INTS8: variants seen among roughly 807,000 people sequenced by gnomAD.
The protein encoded by INTS8 is protein kaonashi-1.
In INTS8, 47 loss-of-function variants were observed where a neutral mutation model predicts 138.9. The observed-to-expected ratio is 0.34, with a 90% CI of 0.27 to 0.43. INTS8 has a LOEUF of 0.43. Among genes scored for constraint, INTS8 ranks in the 20% least tolerant of loss-of-function variants. The pLI, the probability that INTS8 is intolerant of heterozygous loss-of-function variation, is 1.00. For synonymous variants in INTS8, 392 were observed against 400.9 expected (o/e 0.98, Z 0.27); for missense variants, 996 against 1,173.0 (o/e 0.85, Z 2.20).
intron 26 of INTS8, among the ~76,000 whole-genome samples, chr8:94,878,932 C>T (rs1032559821): frequency 3.3e-5 from 5 of 152,270 alleles, no homozygotes; most frequent in African/African-American, 9.6e-5. Context: ...TCTGCCTACT[C>T]CTTAAACTTG....
chr8:94,826,642 A>C lies in INTS8; in HGVS notation c.306-621A>C, dbSNP rs189538847. 2.1e-3 allele frequency among the ~76,000 whole-genome samples: 319 copies of C among 152,238 alleles called. 3 individuals carry two copies. The highest frequency in any genetic ancestry group is 7.4e-3 in the African/African-American group (309 of 41,550). On this transcript the variant is annotated intron_variant, in intron 2 of 26. Transcript: ENST00000523731. Reference sequence around the variant, plus strand: ...TTATGTTAAGAGTTAATTTTTTGAAATATATTCTGAAATATTTATGGACGA... The same window carrying C: ...TTATGTTAAGAGTTAATTTTTTGAACTATATTCTGAAATATTTATGGACGA...
At chr8:94,827,916 G>C (rs537096239) in intron 4 of INTS8, 123 bp downstream of exon 4, 1 of 810,576 alleles carries the variant, frequency 1.2e-6, no homozygotes. Context: ...CAGAAGGCCT[G>C]TGTGAAGGTT....
intron 11 of INTS8, among the ~76,000 whole-genome samples, 185 bp downstream of exon 11, chr8:94,849,717 C>T (rs1815461228): frequency 1.3e-5 from 2 of 151,806 alleles, no homozygotes; most frequent in African/African-American, 4.8e-5. Context: ...ATATAGTTAC[C>T]TTTTTTTAAT....
At chr8:94,852,024 C>T (rs1378786215) in intron 13 of INTS8, among the ~76,000 whole-genome samples, 1 of 152,146 alleles carries the variant, frequency 6.6e-6, no homozygotes, top group Non-Finnish European at 1.5e-5. Context: ...TTCACTGCAA[C>T]CTCTGTCTCC....
At chr8:94,825,398 C>T (rs1212299309) in intron 2 of INTS8, among the ~76,000 whole-genome samples, 1 of 149,952 alleles carries the variant, frequency 6.7e-6, no homozygotes, top group Non-Finnish European at 1.5e-5. Context: ...CGCTACTGCA[C>T]TCCAGCCTGG....
chr8:94,823,311 C>T lies in INTS8; in HGVS notation c.-121C>T, dbSNP rs757947939. 1.3e-6 allele frequency: 2 copies of T among 1,520,770 alleles called. No individual in the cohort carries two copies. The highest frequency in any genetic ancestry group is 2.0e-5 in the Admixed American group (1 of 49,048). 94.2% of individuals were successfully genotyped at this position (1,520,770 alleles called of 1,614,324 possible). On this transcript the variant is annotated 5_prime_UTR_variant, in exon 1 of 27. Coordinates refer to ENST00000523731, the MANE Select transcript of INTS8 (RefSeq NM_017864.4). ...CGCCATTTTGGATTGTGTGAGTTTC[C>T]GGGACGTTCGGAGGGTGGCCTCTCT...
At chr8:94,827,821 G>A in intron 4 of INTS8, 28 bp downstream of exon 4, 1 of 1,558,728 alleles carries the variant, frequency 6.4e-7, no homozygotes, top group Non-Finnish European at 8.8e-7. Flanking sequence ...ACCTTTACTT[G>A]GCACTTTTTT....
rs371250490 is a variant in INTS8 at position 94,852,502 on chromosome 8, T to C, written c.1641+816T>C. On this transcript the variant is annotated intron_variant, in intron 13 of 26. Transcript: ENST00000523731. ...AGTAATCGACAGATACAGGAGAAAT[T>C]AAAGCAATATGGTAATGCTCGTAAC... 2.6e-5 allele frequency among the ~76,000 whole-genome samples: 4 copies of C among 152,098 alleles called. No homozygotes were observed. The East Asian group carries it at 7.7e-4, about 29-fold the overall frequency.
chr8:94,856,946 G>C lies in INTS8; in HGVS notation c.1922G>C (p.Arg641Thr). 9 of 1,614,094 alleles carry C rather than the reference G, an allele frequency of 5.6e-6. No individual in the cohort carries two copies. Among genetic ancestry groups the C allele is most frequent in the Non-Finnish European group, 7.6e-6 (9 of 1,180,020 alleles). ...GERPPSDLIS[R>T]VRGYLEMRLP... Reference sequence around the variant, plus strand: ...AGACCGCCATCCGACCTTATAAGTAGAGTACGAGGCTATCTGGAAATGAGG... The same window carrying C: ...AGACCGCCATCCGACCTTATAAGTACAGTACGAGGCTATCTGGAAATGAGG... Residue 641 changes from arginine to threonine, a missense_variant, in exon 15 of 27, where the codon AGA (arginine) becomes ACA (threonine). Transcript: ENST00000523731.
intron 13 of INTS8, 57 bp from the exon 14 acceptor site, chr8:94,853,748 T>C (rs960305107): frequency 2.2e-5 from 20 of 892,272 alleles, no homozygotes; most frequent in South Asian, 3.0e-5. Context: ...AAGATTCTTA[T>C]CTAGATTTGG....
intron 10 of INTS8, among the ~76,000 whole-genome samples, chr8:94,848,324 T>C (rs1815405469): frequency 6.6e-6 from 1 of 152,134 alleles, no homozygotes; most frequent in Non-Finnish European, 1.5e-5. Flanking sequence ...GTTTTTTTAA[T>C]AACAGTTTCA....
In INTS8 at chr8:94,873,421, G is replaced by A; in HGVS notation, c.2581G>A (p.Ala861Thr). ...TCTTCACTATTACCTCCAGGCAGGA[G>A]CTGTGTGTTCTGACTTCTTTAACAA... ...AALHYYLQAGAVCSDFFNKAV... is the reference protein window; with the variant it reads ...AALHYYLQAGTVCSDFFNKAV... Residue 861 changes from alanine (A) to threonine (T), a missense_variant, in exon 22 of 27, where the codon GCT (alanine) becomes ACT (threonine). Ala to Thr is a moderately conservative substitution (Grantham distance 58). Coordinates refer to ENST00000523731, the MANE Select transcript of INTS8 (RefSeq NM_017864.4). 1 of 1,614,078 alleles carries A rather than the reference G, an allele frequency of 6.2e-7. No individual in the cohort carries two copies.
intron 6 of INTS8, among the ~76,000 whole-genome samples, chr8:94,832,792 C>CT (rs2131000131): frequency 6.6e-6 from 1 of 152,070 alleles, no homozygotes; most frequent in South Asian, 2.1e-4. Context: ...GTAGCTGGGA[C>CT]TACAGGCGCC....
In INTS8 at chr8:94,848,069, C is replaced by T. The variant is rs74462800; in HGVS notation, c.1261-1393C>T. 2.7e-5 allele frequency among the ~76,000 whole-genome samples: 4 copies of T among 147,740 alleles called. No homozygotes were observed. The East Asian group carries it at 7.8e-4, about 29-fold the overall frequency. ...TGTTTCCCAGGCTAGAGTGCAGTGG[C>T]CTGATCTCCACTCACTCTAACCTCT... is the stretch of plus-strand genomic sequence containing the variant. On this transcript the variant is annotated intron_variant, in intron 10 of 26. Transcript: ENST00000523731.
In INTS8 at chr8:94,823,333, C is replaced by T. The variant is rs757657197; in HGVS notation, c.-99C>T. The T allele has an allele frequency of 3.3e-6, 5 of 1,513,354 alleles. No individual in the cohort carries two copies. Among genetic ancestry groups the T allele is most frequent in the African/African-American group, 1.4e-5 (1 of 72,498 alleles). 93.7% of individuals were successfully genotyped at this position (1,513,354 alleles called of 1,614,324 possible). On this transcript the variant is annotated 5_prime_UTR_variant, in exon 1 of 27. Coordinates refer to ENST00000523731, the MANE Select transcript of INTS8 (RefSeq NM_017864.4). ...TTCCGGGACGTTCGGAGGGTGGCCT[C>T]TCTCCCACCGGGTTCCGCATACCCC... is the stretch of plus-strand genomic sequence containing the variant.
chr8:94,825,012 C>T lies in INTS8; in HGVS notation c.250C>T (p.Leu84Phe). 1.2e-6 allele frequency: 2 copies of T among 1,612,006 alleles called. No individual in the cohort carries two copies. Among genetic ancestry groups the T allele is most frequent in the South Asian group, 1.1e-5 (1 of 91,032 alleles). The change falls in exon 2 of 27, where the codon CTT (leucine) becomes TTT (phenylalanine). Residue 84 changes from leucine to phenylalanine, a missense_variant. By Grantham distance (22) the Leu-to-Phe change is conservative (BLOSUM62 0). Transcript: ENST00000523731. ...DNKRNRILKL[L>F]ALKVAAHLKW... ...CAAGAGAAATCGTATTTTAAAACTA[C>T]TTGCTCTTAAAGTTGCTGCACATTT...
chr8:94,875,155 A>G (rs1375342354), intron 23 of INTS8, among the ~76,000 whole-genome samples: 1 of 152,230 alleles, frequency 6.6e-6, no homozygotes, highest in Non-Finnish European at 1.5e-5. Flanking sequence ...ATATGTCCAC[A>G]GAAAAAATTG....
At position 94,867,190 on chromosome 8, in the gene INTS8, T is replaced by C; in HGVS notation, c.2346T>C (p.Asn782=). 1.2e-6 allele frequency: 2 copies of C among 1,609,154 alleles called. No individual in the cohort carries two copies. Among genetic ancestry groups the C allele is most frequent in the Non-Finnish European group, 1.7e-6 (2 of 1,177,264 alleles). The change falls in exon 19 of 27, where the codon AAT becomes AAC. Residue 782 remains asparagine, a synonymous_variant. Transcript: ENST00000523731. The stretch of plus-strand genomic sequence containing the variant: ...TATCACTCTTTGTGAAACTTCACAA[T>C]GTTCGGGTAAGTATTTCATAATTTC... The part of the protein sequence containing the change: ...IILSLFVKLH[N]VREDIVNDIT...
intron 18 of INTS8, 86 bp downstream of exon 18, chr8:94,866,277 C>A: frequency 1.3e-6 from 1 of 752,290 alleles, no homozygotes; most frequent in Non-Finnish European, 2.4e-6. Context: ...CAAATACTGA[C>A]TAAATTATTA....
Sources: gnomAD v4.1 joint callset for allele counts (sites outside exome capture counted in the v4.1 genomes callset) on GRCh38, gnomAD v4.1.1 for gene constraint, MANE v1.5 for transcripts, NCBI Gene and HGNC (gene_info 2026-07-23, HGNC 2026-07-21) for gene names.